AGO2: variants seen among roughly 807,000 people sequenced by gnomAD.
AGO2 encodes protein argonaute-2.
Under a neutral mutation model 102.3 loss-of-function variants are expected in AGO2, and 5 were observed. That is an observed-to-expected ratio of 0.05 (90% CI 0.03 to 0.10). The LOEUF (loss-of-function observed/expected upper bound fraction) is 0.10. Among genes scored for constraint, AGO2 ranks in the 10% least tolerant of loss-of-function variants. The probability of loss-of-function intolerance (pLI) is 1.00; values close to 1 mark genes in which losing one functional copy is unlikely to be tolerated. For synonymous variants in AGO2, 449 were observed against 473.1 expected, an observed-to-expected ratio of 0.95 and a Z score of 0.66; for missense variants, 541 against 1,183.7, an observed-to-expected ratio of 0.46 and a Z score of 7.97.
intron 2 of AGO2, among the ~76,000 whole-genome samples, chr8:140,582,030 C>T (rs2073566143): frequency 6.6e-6 from 1 of 152,156 alleles, no homozygotes; most frequent in African/African-American, 2.4e-5. Context: ...ACATAGCATA[C>T]TTTAGATTCA....
At chr8:140,551,204 T>TCACCCC in intron 11 of AGO2, 99 bp downstream of exon 11, 3 of 1,349,476 alleles carry the variant, frequency 2.2e-6, no homozygotes, top group Non-Finnish European at 2.9e-6. Context: ...ACCAGCACCC[T>TCACCCC]CACCCCCACC....
chr8:140,562,277 T>C (rs569770356), intron 4 of AGO2, among the ~76,000 whole-genome samples, 176 bp downstream of exon 4: 3 of 152,362 alleles, frequency 2.0e-5, no homozygotes, highest in African/African-American at 4.8e-5. Flanking sequence ...TATGTTTATA[T>C]TAACACTGTT....
rs1051730810 is a variant in AGO2 at position 140,540,256 on chromosome 8, G to C, written c.2035-802C>G. Among the ~76,000 whole-genome samples, 5 of 152,186 alleles carry C rather than the reference G, an allele frequency of 3.3e-5. No homozygotes were observed. Among genetic ancestry groups the C allele is most frequent in the South Asian group, 4.1e-4 (2 of 4,828 alleles). ...CCGCTCTGGACTGGGAAGGCAAATG[G>C]GGGAGGCTGGGCTGCGTGCCATCCC... On this transcript the variant is annotated intron_variant, in intron 15 of 18. Coordinates refer to ENST00000220592, the MANE Select transcript of AGO2 (RefSeq NM_012154.5). The surrounding 1 kb of genome is among the most constrained non-coding windows in gnomAD (Gnocchi z 5.0).
chr8:140,582,570 G>C (rs1469403544), intron 2 of AGO2, among the ~76,000 whole-genome samples: 1 of 152,098 alleles, frequency 6.6e-6, no homozygotes, highest in Non-Finnish European at 1.5e-5. Flanking sequence ...AAGGTCAACA[G>C]GTAAATCAGT....
chr8:140,536,041 T>C (rs2072689835), intron 16 of AGO2, among the ~76,000 whole-genome samples: 1 of 152,212 alleles, frequency 6.6e-6, no homozygotes, highest in Non-Finnish European at 1.5e-5. Context: ...GTGCCTGTGC[T>C]TTGCCGGTAG....
chr8:140,568,701 A>T (rs1217109478), intron 3 of AGO2, among the ~76,000 whole-genome samples: 1 of 152,212 alleles, frequency 6.6e-6, no homozygotes, highest in Non-Finnish European at 1.5e-5. Flanking sequence ...CGAAAGGCAG[A>T]TCACTGACCC....
intron 14 of AGO2, among the ~76,000 whole-genome samples, chr8:140,542,289 C>T (rs2072814566): frequency 6.6e-6 from 1 of 152,204 alleles, no homozygotes; most frequent in Non-Finnish European, 1.5e-5. Context: ...TAAAACCTCT[C>T]ATGTCACTGA....
At chr8:140,611,899 T>G (rs932713905) in intron 1 of AGO2, among the ~76,000 whole-genome samples, 12 of 152,324 alleles carry the variant, frequency 7.9e-5, no homozygotes, top group African/African-American at 2.9e-4. Flanking sequence ...TTCACCACCA[T>G]GAGCTTCAAG....
At chr8:140,610,996 C>G (rs776671570) in intron 1 of AGO2, among the ~76,000 whole-genome samples, 3 of 152,212 alleles carry the variant, frequency 2.0e-5, no homozygotes, top group African/African-American at 7.2e-5. Context: ...TAAGTAGACA[C>G]GCGCGCATGC....
At chr8:140,630,112 C>T (rs1429427480) in intron 1 of AGO2, among the ~76,000 whole-genome samples, 2 of 152,228 alleles carry the variant, frequency 1.3e-5, no homozygotes, top group Non-Finnish European at 1.5e-5. Flanking sequence ...ACCACACTCA[C>T]GCCCATCAGA....
upstream of AGO2, among the ~76,000 whole-genome samples, chr8:140,640,432 C>G (rs750902933): frequency 6.6e-6 from 1 of 152,154 alleles, no homozygotes; most frequent in Non-Finnish European, 1.5e-5. Flanking sequence ...AAATTTAACT[C>G]TGAATCTAGT....
intron 2 of AGO2, 100 bp downstream of exon 2, chr8:140,585,019 C>G (rs1480892808): frequency 3.2e-6 from 4 of 1,232,750 alleles, no homozygotes; most frequent in Non-Finnish European, 4.4e-6. Flanking sequence ...CTGGAAAAAA[C>G]CCAGATGGAT....
At chr8:140,619,523 T>C (rs886852034) in intron 1 of AGO2, among the ~76,000 whole-genome samples, 1 of 152,008 alleles carries the variant, frequency 6.6e-6, no homozygotes, top group African/African-American at 2.4e-5. Flanking sequence ...GCCAGAGGCT[T>C]AAGGAAGCCG....
chr8:140,613,488 G>A (rs973827744), intron 1 of AGO2, among the ~76,000 whole-genome samples: 26 of 152,120 alleles, frequency 1.7e-4, no homozygotes, highest in African/African-American at 5.8e-4. Context: ...AATGGTCTTC[G>A]GGGTTCTCAA....
intron 3 of AGO2, among the ~76,000 whole-genome samples, chr8:140,564,960 C>T (rs1411607984): frequency 5.9e-5 from 9 of 151,536 alleles, no homozygotes; most frequent in South Asian, 2.1e-4. Context: ...AGTGAAACCT[C>T]GTCTCTACTA....
intron 14 of AGO2, 74 bp downstream of exon 14, chr8:140,544,139 G>A (rs1384140737): frequency 8.3e-6 from 12 of 1,451,958 alleles, no homozygotes; most frequent in Middle Eastern, 1.8e-4. Context: ...CCCTGGCCAC[G>A]CTGTGACAGT....
Position 140,555,908 on chromosome 8 carries a change from G to C in AGO2, c.1257C>G (p.Leu419=). 1 of 1,613,926 alleles carries C rather than the reference G, an allele frequency of 6.2e-7. No homozygotes were observed. ...GCCCCACACGTACCCTGCCCCCGTAGAGGATGGAGGGCGGCTGCAGCACCC... is the reference window on the plus strand; with the variant it reads ...GCCCCACACGTACCCTGCCCCCGTACAGGATGGAGGGCGGCTGCAGCACCC... ...TGRVLQPPSI[L]YGGRNKAIAT... Residue 419 remains leucine (L), a synonymous_variant, in exon 10 of 19, where the codon CTC becomes CTG. Coordinates refer to ENST00000220592, the MANE Select transcript of AGO2 (RefSeq NM_012154.5).
intron 1 of AGO2, among the ~76,000 whole-genome samples, chr8:140,632,810 A>G (rs1297081851): frequency 6.6e-6 from 1 of 152,220 alleles, no homozygotes; most frequent in Non-Finnish European, 1.5e-5. Flanking sequence ...TGATTGGTAT[A>G]ATGTAGAGCT....
chr8:140,547,437 C>T (rs375167818), intron 13 of AGO2, 31 bp downstream of exon 13: 45 of 1,606,670 alleles, frequency 2.8e-5, no homozygotes, highest in African/African-American at 5.3e-5. Context: ...TGCCCTGGTC[C>T]GCAGGCGGAG....
Sources: allele counts gnomAD v4.1 joint callset (sites outside exome capture counted in the v4.1 genomes callset), GRCh38; gene constraint gnomAD v4.1.1; non-coding constraint Gnocchi (gnomAD v3.1); transcripts MANE v1.5; gene names NCBI Gene and HGNC (gene_info 2026-07-23, HGNC 2026-07-21).